Variants in RTKN2 observed in about 807,000 individuals in gnomAD.
RTKN2 encodes the protein rhotekin 2.
RTKN2 carries 69 observed loss-of-function variants against 71.5 expected under a neutral mutation model. That is an observed-to-expected ratio of 0.96 (90% CI 0.79 to 1.18). RTKN2 has a LOEUF of 1.18. Ranked by LOEUF, RTKN2 falls within the 50% of genes most tolerant of loss-of-function variation. RTKN2 has a pLI of 0.00. For missense variants in RTKN2, 724 were observed against 719.7 expected (o/e 1.01, Z -0.07); for synonymous variants, 236 against 236.5 (o/e 1.00, Z 0.02).
intron 8 of RTKN2, among the ~76,000 whole-genome samples, chr10:62,186,748 AT>A (rs34368299): frequency 6.6e-6 from 1 of 150,688 alleles, no homozygotes. Flanking sequence ...TCAGAAAAAC[AT>A]TTTTTTTTTC....
At chr10:62,242,179 A>G (rs1842389919) in intron 3 of RTKN2, among the ~76,000 whole-genome samples, 1 of 152,038 alleles carries the variant, frequency 6.6e-6, no homozygotes, top group Non-Finnish European at 1.5e-5. Flanking sequence ...TTGTACCTTT[A>G]TAATATACTT....
intron 7 of RTKN2, among the ~76,000 whole-genome samples, chr10:62,219,635 T>C (rs1156512903): frequency 6.6e-6 from 1 of 152,028 alleles, no homozygotes; most frequent in East Asian, 1.9e-4. Context: ...GCTGTCATAA[T>C]TTTTTTGAGA....
At position 62,204,930 on chromosome 10, in the gene RTKN2, C is replaced by A; in HGVS notation, c.1113G>T (p.Gln371His). Residue 371 changes from glutamine to histidine, a missense_variant, in exon 10 of 12, where the codon CAG becomes CAT. Coordinates refer to ENST00000373789, the MANE Select transcript of RTKN2 (RefSeq NM_145307.4). ...CTTCTCTATTGTCAACTGCAAAAATCTGAGTTATAGCTTGTCCAGGAACAG... is the reference window on the plus strand; with the variant it reads ...CTTCTCTATTGTCAACTGCAAAAATATGAGTTATAGCTTGTCCAGGAACAG... ...INPVPGQAIT[Q>H]IFAVDNREDL... The A allele has an allele frequency of 6.2e-7, 1 of 1,604,216 alleles. No homozygotes were observed. Among genetic ancestry groups the A allele is most frequent in the South Asian group, 1.1e-5 (1 of 88,314 alleles).
chr10:62,184,601 A>G (rs1841105340), intron 8 of RTKN2, among the ~76,000 whole-genome samples: 1 of 152,228 alleles, frequency 6.6e-6, no homozygotes, highest in South Asian at 2.1e-4. Context: ...TTAAAGAATA[A>G]TGTCAAACAG....
intron 8 of RTKN2, 35 bp downstream of exon 8, chr10:62,218,160 C>T (rs1251912266): frequency 1.5e-6 from 2 of 1,305,084 alleles, no homozygotes; most frequent in Admixed American, 1.8e-5. Flanking sequence ...TAAAGTAGAG[C>T]TACAATTGTT....
chr10:62,242,622 C>CT (rs11311959), intron 3 of RTKN2, among the ~76,000 whole-genome samples: 24 of 149,310 alleles, frequency 1.6e-4, no homozygotes, highest in African/African-American at 2.5e-4. Flanking sequence ...AATCTATTAC[C>CT]TTTTTTTTTT....
Position 62,195,586 on chromosome 10 carries a change from GGAGAGACGGACAGAGGGAAT to G in RTKN2, c.*2302_*2321del, listed in dbSNP as rs1460344915. ...AGGAAGGAAGGAGGGAAGGAGGGAA[GGAGAGACGGACAGAGGGAAT>G]GAAGGAAGGAAGGAAGGAAGGAAGG... On this transcript the variant is annotated 3_prime_UTR_variant, in exon 12 of 12. Coordinates refer to ENST00000373789, the MANE Select transcript of RTKN2 (RefSeq NM_145307.4). The G allele has an allele frequency of 1.6e-6, 1 of 635,498 alleles. No individual in the cohort carries two copies. Among genetic ancestry groups the G allele is most frequent in the Non-Finnish European group, 1.9e-6 (1 of 515,718 alleles). The allele number at this position is 635,498 out of a possible 1,614,324, so 39.4% of individuals were successfully genotyped here.
downstream of RTKN2, among the ~76,000 whole-genome samples, chr10:62,190,639 T>G (rs1455426564): frequency 1.3e-5 from 2 of 152,086 alleles, no homozygotes; most frequent in African/African-American, 4.8e-5. Flanking sequence ...AACAAAGTAT[T>G]TACTCACCTG....
chr10:62,196,031 G>A lies in RTKN2; in HGVS notation c.*1877C>T. On this transcript the variant is annotated 3_prime_UTR_variant, in exon 12 of 12. Coordinates refer to ENST00000373789, the MANE Select transcript of RTKN2 (RefSeq NM_145307.4). The stretch of plus-strand genomic sequence containing the variant: ...GTTTTAATACTGATTTGTAATAAAG[G>A]AAGGCATCAACTAGGAAAAAAAAAA... 4.1e-6 allele frequency: 4 copies of A among 984,708 alleles called. No individual in the cohort carries two copies. Among genetic ancestry groups the A allele is most frequent in the Non-Finnish European group, 4.8e-6 (4 of 829,498 alleles). The allele number at this position is 984,708 out of a possible 1,614,324, so 61.0% of individuals were successfully genotyped here.
At chr10:62,224,925 C>A (rs1323126227) in intron 6 of RTKN2, among the ~76,000 whole-genome samples, 1 of 152,038 alleles carries the variant, frequency 6.6e-6, no homozygotes, top group Non-Finnish European at 1.5e-5. Context: ...GCTCTGTGAG[C>A]CCTGGAAGAG....
intron 4 of RTKN2, among the ~76,000 whole-genome samples, chr10:62,240,402 TACTC>T (rs1276591877): frequency 6.6e-6 from 1 of 152,202 alleles, no homozygotes; most frequent in Non-Finnish European, 1.5e-5. Context: ...CAGAAAAACT[TACTC>T]TCTTTAGTAA....
intron 2 of RTKN2, among the ~76,000 whole-genome samples, chr10:62,256,829 G>A (rs2133077568): frequency 6.6e-6 from 1 of 152,124 alleles, no homozygotes; most frequent in East Asian, 1.9e-4. Context: ...TTTTACGTAT[G>A]TAAATTTCAT....
At chr10:62,233,958 G>T (rs1309579820) in intron 6 of RTKN2, among the ~76,000 whole-genome samples, 1 of 152,086 alleles carries the variant, frequency 6.6e-6, no homozygotes, top group African/African-American at 2.4e-5. Flanking sequence ...GTGTTCCAAA[G>T]AAACATCAAC....
Position 62,198,120 on chromosome 10 carries a change from A to G in RTKN2, c.1618T>C (p.Ser540Pro). ...AGAGTTGATAGTTTGGTATCCAAAG[A>G]CGATGTCTGAGATACACTTGTTTTT... ...WGKTSVSQTS[S>P]LDTKLSTLMH... Residue 540 changes from serine (S) to proline (P), a missense_variant, in exon 12 of 12, where the codon TCT (serine) becomes CCT (proline). Ser to Pro is a moderately conservative substitution (Grantham distance 74). Coordinates refer to ENST00000373789, the MANE Select transcript of RTKN2 (RefSeq NM_145307.4). The G allele has an allele frequency of 6.2e-7, 1 of 1,614,170 alleles. No homozygotes were observed. The highest frequency in any genetic ancestry group is 8.5e-7 in the Non-Finnish European group (1 of 1,180,008).
intron 2 of RTKN2, among the ~76,000 whole-genome samples, chr10:62,248,232 TAA>T (rs1170998089): frequency 6.6e-6 from 1 of 152,126 alleles, no homozygotes; most frequent in Non-Finnish European, 1.5e-5. Flanking sequence ...CTTAGAGAAT[TAA>T]GTCTGTCTTT....
At chr10:62,189,572 T>C (rs939125128), downstream of RTKN2, among the ~76,000 whole-genome samples, 3 of 152,178 alleles carry the variant, frequency 2.0e-5, no homozygotes, top group Non-Finnish European at 4.4e-5. Flanking sequence ...ACGTCTGTAA[T>C]CCCAGCACTT....
At chr10:62,217,375 A>C (rs1345438611) in intron 8 of RTKN2, 126 bp from the exon 9 acceptor site, 2 of 675,980 alleles carry the variant, frequency 3.0e-6, no homozygotes, top group Non-Finnish European at 4.5e-6. Context: ...GGAATTATCC[A>C]TTAATTTGAT....
downstream of RTKN2, among the ~76,000 whole-genome samples, chr10:62,192,762 A>G (rs1409628303): frequency 6.6e-6 from 1 of 152,192 alleles, no homozygotes; most frequent in Non-Finnish European, 1.5e-5. Flanking sequence ...TAGTCCTACA[A>G]GCACAGGAAC....
chr10:62,267,497 T>C (rs1842888153), intron 1 of RTKN2, among the ~76,000 whole-genome samples: 1 of 152,178 alleles, frequency 6.6e-6, no homozygotes, highest in Non-Finnish European at 1.5e-5. Context: ...AAAAAGTACA[T>C]CAAAATCTTT....
Sources: gnomAD v4.1 joint callset for allele counts (sites outside exome capture counted in the v4.1 genomes callset) on GRCh38, gnomAD v4.1.1 for gene constraint, MANE v1.5 for transcripts, NCBI Gene and HGNC (gene_info 2026-07-23, HGNC 2026-07-21) for gene names.